Variants in SIX1 observed in about 807,000 individuals in gnomAD.
SIX1 encodes the protein SIX homeobox 1.
SIX1 carries 11 observed loss-of-function variants against 26.5 expected under a neutral mutation model. That is an observed-to-expected ratio of 0.41 (90% CI 0.26 to 0.69). The LOEUF is 0.69. SIX1 is among the 30% of genes least tolerant of loss of function. The probability of loss-of-function intolerance (pLI) is 0.28; values close to 1 mark genes in which losing one functional copy is unlikely to be tolerated. For synonymous variants in SIX1, 177 were observed against 166.2 expected, an observed-to-expected ratio of 1.06 and a Z score of -0.50; for missense variants, 333 against 365.9, an observed-to-expected ratio of 0.91 and a Z score of 0.73.
At position 60,646,592 on chromosome 14, in the gene SIX1, A is replaced by G; in HGVS notation, c.561-15T>C. The G allele has an allele frequency of 7.2e-7, 1 of 1,397,348 alleles. No individual in the cohort carries two copies. Among genetic ancestry groups the G allele is most frequent in the Non-Finnish European group, 1.0e-6 (1 of 1,003,216 alleles). The allele number at this position is 1,397,348 out of a possible 1,614,324, so 86.6% of individuals were successfully genotyped here. A position where few individuals can be genotyped will look rare whatever the true frequency, so the allele number is the denominator to read the frequency against. ...CGGTGTTCTCCCTAAGAAATAGAGG[A>G]CAACACCATATGGTTAAAAAAAAAA... On this transcript the variant is annotated splice_polypyrimidine_tract_variant and intron_variant, in intron 1 of 1. Transcript: ENST00000645694.
In SIX1 at chr14:60,648,833, G is replaced by A. The variant is rs375984653; in HGVS notation, c.357C>T (p.Arg119=). The change falls in exon 1 of 2, where the codon CGC becomes CGT. Residue 119 remains arginine, a synonymous_variant. Coordinates refer to ENST00000645694, the MANE Select transcript of SIX1 (RefSeq NM_005982.4). The surrounding 1 kb of genome is among the most constrained non-coding windows in gnomAD (Gnocchi z 7.9). ...TGGTCTCCTCGCCGTCCCAGATGGT[G>A]CGCGGCAGTGGAAATTTTCGGCGCA... ...YRVRRKFPLP[R]TIWDGEETSY... is the part of the protein sequence containing the mutation. 10 of 1,614,242 alleles carry A rather than the reference G, an allele frequency of 6.2e-6. No homozygotes were observed. Among genetic ancestry groups the A allele is most frequent in the Non-Finnish European group, 8.5e-6 (10 of 1,180,048 alleles).
chr14:60,646,459 C>A lies in SIX1; in HGVS notation c.679G>T (p.Asp227Tyr), dbSNP rs144481204. The stretch of plus-strand genomic sequence containing the variant: ...TGCAGCAGAAGGACCGAGTTCTGGT[C>A]TGGACTTTGGGGAGGTGAGAATTCC... ...EEEFSPPQSP[D>Y]QNSVLLLQGN... is the part of the protein sequence containing the mutation. The change falls in exon 2 of 2, where the codon GAC becomes TAC. Residue 227 changes from aspartate to tyrosine, a missense_variant. Asp to Tyr is a radical substitution (Grantham distance 160, BLOSUM62 -3). Transcript: ENST00000645694. 2.5e-4 allele frequency: 410 copies of A among 1,613,922 alleles called. No homozygotes were observed. The highest frequency in any genetic ancestry group is 3.4e-4 in the Non-Finnish European group (401 of 1,180,034).
In SIX1 at chr14:60,649,254, GGGC is replaced by G; in HGVS notation, c.-68_-66del. The G allele has an allele frequency of 6.7e-7, 1 of 1,490,874 alleles. No homozygotes were observed. The highest frequency in any genetic ancestry group is 9.1e-7 in the Non-Finnish European group (1 of 1,099,716). 92.4% of individuals were successfully genotyped at this position (1,490,874 alleles called of 1,614,324 possible). ...GCAGGGAGCAGAGCCGAGAGGCAGG[GGGC>G]GGCGGCCGCAGGGAGGGGGGCGCGG... On this transcript the variant is annotated 5_prime_UTR_variant, in exon 1 of 2. Transcript: ENST00000645694. The surrounding 1 kb of genome is among the most constrained non-coding windows in gnomAD (Gnocchi z 5.1).
rs1176795483 is a variant in SIX1 at position 60,647,738 on chromosome 14, C to T, written c.560+892G>A. ...CTTTGGCTTCGCGGAGCGCTCTCCC[C>T]GCCACAGCCACCTCCCCACCGTCCT... On this transcript the variant is annotated intron_variant, in intron 1 of 1. Transcript: ENST00000645694. This position sits in a 1 kb window ranked among gnomAD's most constrained non-coding sequence, Gnocchi z 5.1. Among the ~76,000 whole-genome samples, 1 of 152,238 alleles carries T rather than the reference C, an allele frequency of 6.6e-6. No homozygotes were observed. Among genetic ancestry groups the T allele is most frequent in the African/African-American group, 2.4e-5 (1 of 41,464 alleles).
Position 60,648,541 on chromosome 14 carries a change from G to A in SIX1, c.560+89C>T. 7.4e-7 allele frequency: 1 copy of A among 1,348,302 alleles called. No individual in the cohort carries two copies. Among genetic ancestry groups the A allele is most frequent in the Non-Finnish European group, 1.0e-6 (1 of 973,274 alleles). The allele number at this position is 1,348,302 out of a possible 1,614,324, so 83.5% of individuals were successfully genotyped here. On this transcript the variant is annotated intron_variant, in intron 1 of 1. Coordinates refer to ENST00000645694, the MANE Select transcript of SIX1 (RefSeq NM_005982.4). The surrounding 1 kb of genome is among the most constrained non-coding windows in gnomAD (Gnocchi z 7.9). ...GGGCTCCGGCCGGCGGGGAGGACTT[G>A]GTGGCTGGTGCCTGCGGGGGCGGGA...
At position 60,645,012 on chromosome 14, in the gene SIX1, A is replaced by C. The variant is rs1312883749; in HGVS notation, c.*1271T>G. ...GTTAACACAAAAGAGCTTAGTTAAC[A>C]TATGAATGCTGTGAAGAGATAGTGG... On this transcript the variant is annotated 3_prime_UTR_variant, in exon 2 of 2. Coordinates refer to ENST00000645694, the MANE Select transcript of SIX1 (RefSeq NM_005982.4). This position sits in a 1 kb window ranked among gnomAD's most constrained non-coding sequence, Gnocchi z 4.6. 6.6e-6 allele frequency: 1 copy of C among 152,158 alleles called. No individual in the cohort carries two copies. The highest frequency in any genetic ancestry group is 2.1e-4 in the South Asian group (1 of 4,822). 9.4% of individuals were successfully genotyped at this position (152,158 alleles called of 1,614,324 possible). A position where few individuals can be genotyped will look rare whatever the true frequency, so the allele number is the denominator to read the frequency against.
rs1374698272 is a variant in SIX1, at chr14:60,647,162, C to G, written c.561-585G>C. Among the ~76,000 whole-genome samples, 1 of 152,216 alleles carries G rather than the reference C, an allele frequency of 6.6e-6. No homozygotes were observed. Among genetic ancestry groups the G allele is most frequent in the Non-Finnish European group, 1.5e-5 (1 of 68,040 alleles). On this transcript the variant is annotated intron_variant, in intron 1 of 1. Transcript: ENST00000645694. This position sits in a 1 kb window ranked among gnomAD's most constrained non-coding sequence, Gnocchi z 5.1. Reference sequence around the variant, plus strand: ...ATGGGAAGTGGTGCCCAGCGCGGCCCAGTGACCTGAGTAAACACAGGGAGC... The same window carrying G: ...ATGGGAAGTGGTGCCCAGCGCGGCCGAGTGACCTGAGTAAACACAGGGAGC...
At position 60,646,252 on chromosome 14, in the gene SIX1, G is replaced by A. The variant is rs754609676; in HGVS notation, c.*31C>T. 8.7e-6 allele frequency: 14 copies of A among 1,604,990 alleles called. No homozygotes were observed. Among genetic ancestry groups the A allele is most frequent in the South Asian group, 1.1e-5 (1 of 90,598 alleles). On this transcript the variant is annotated 3_prime_UTR_variant, in exon 2 of 2. Transcript: ENST00000645694. ...GTCGCTGCAGTGGTTGCTGCTCCAG[G>A]AATCCCTTCGAGGCCCCAGTCCCTC...
rs1165635972 is a variant in SIX1 at position 60,647,160 on chromosome 14, C to A, written c.561-583G>T. Among the ~76,000 whole-genome samples, 1 of 152,234 alleles carries A rather than the reference C, an allele frequency of 6.6e-6. No homozygotes were observed. Among genetic ancestry groups the A allele is most frequent in the Non-Finnish European group, 1.5e-5 (1 of 68,036 alleles). ...TCATGGGAAGTGGTGCCCAGCGCGGCCCAGTGACCTGAGTAAACACAGGGA... is the reference window on the plus strand; with the variant it reads ...TCATGGGAAGTGGTGCCCAGCGCGGACCAGTGACCTGAGTAAACACAGGGA... On this transcript the variant is annotated intron_variant, in intron 1 of 1. Transcript: ENST00000645694. The surrounding 1 kb of genome is among the most constrained non-coding windows in gnomAD (Gnocchi z 5.1).
Position 60,644,110 on chromosome 14 carries a change from A to G in SIX1, c.*2173T>C, listed in dbSNP as rs1003151328. The G allele has an allele frequency of 1.3e-5, 2 of 152,104 alleles. No individual in the cohort carries two copies. Among genetic ancestry groups the G allele is most frequent in the Non-Finnish European group, 2.9e-5 (2 of 68,018 alleles). The allele number at this position is 152,104 out of a possible 1,614,324, so 9.4% of individuals were successfully genotyped here. On this transcript the variant is annotated 3_prime_UTR_variant, in exon 2 of 2. Transcript: ENST00000645694. ...GAAATTAAAGTAATTGGCCCTTCCT[A>G]TTTTCCAGAGAGATTTCCGCAGCGT...
In SIX1 at chr14:60,648,003, T is replaced by C. The variant is rs541752598; in HGVS notation, c.560+627A>G. ...GAGCGAGCACGGCGAGGATCAACCC[T>C]TTCTTAATTTGGGGCGCCGGGGAGT... On this transcript the variant is annotated intron_variant, in intron 1 of 1. Coordinates refer to ENST00000645694, the MANE Select transcript of SIX1 (RefSeq NM_005982.4). The surrounding 1 kb of genome is among the most constrained non-coding windows in gnomAD (Gnocchi z 7.9). 6.6e-6 allele frequency among the ~76,000 whole-genome samples: 1 copy of C among 152,272 alleles called. No homozygotes were observed. The highest frequency in any genetic ancestry group is 2.1e-4 in the South Asian group (1 of 4,828).
At position 60,646,371 on chromosome 14, in the gene SIX1, G is replaced by GGCT; in HGVS notation, c.764_766dup (p.Gln255dup). 6.2e-7 allele frequency: 1 copy of GGCT among 1,614,064 alleles called. No individual in the cohort carries two copies. Among genetic ancestry groups the GGCT allele is most frequent in the Non-Finnish European group, 8.5e-7 (1 of 1,180,018 alleles). On this transcript the variant is annotated inframe_insertion, in exon 2 of 2. Transcript: ENST00000645694. The stretch of plus-strand genomic sequence containing the variant: ...CTGGTGGGTCTGCAGGCCGTGACTG[G>GGCT]GCTGCGAGGCTGTTAAGCCCGGGAG...
rs1894991264 is a variant in SIX1 at position 60,648,436 on chromosome 14, C to T, written c.560+194G>A. ...GCGCGGGTGCTCAAAGCAAATGAGG[C>T]CCCATCCTTAGCAAGGAACCTCAGA... is the stretch of plus-strand genomic sequence containing the variant. On this transcript the variant is annotated intron_variant, in intron 1 of 1. Coordinates refer to ENST00000645694, the MANE Select transcript of SIX1 (RefSeq NM_005982.4). This position sits in a 1 kb window ranked among gnomAD's most constrained non-coding sequence, Gnocchi z 7.9. Among the ~76,000 whole-genome samples, 1 of 152,236 alleles carries T rather than the reference C, an allele frequency of 6.6e-6. No homozygotes were observed. Among genetic ancestry groups the T allele is most frequent in the Non-Finnish European group, 1.5e-5 (1 of 68,046 alleles).
chr14:60,649,262 G>A lies in SIX1; in HGVS notation c.-73C>T, dbSNP rs911848334. The A allele has an allele frequency of 1.0e-4, 146 of 1,397,842 alleles. No homozygotes were observed. The highest frequency in any genetic ancestry group is 1.4e-4 in the Non-Finnish European group (140 of 1,020,416). 86.6% of individuals were successfully genotyped at this position (1,397,842 alleles called of 1,614,324 possible). ...CAGAGCCGAGAGGCAGGGGGCGGCG[G>A]CCGCAGGGAGGGGGGCGCGGCTGTT... is the stretch of plus-strand genomic sequence containing the variant. On this transcript the variant is annotated 5_prime_UTR_variant, in exon 1 of 2. Coordinates refer to ENST00000645694, the MANE Select transcript of SIX1 (RefSeq NM_005982.4). This position sits in a 1 kb window ranked among gnomAD's most constrained non-coding sequence, Gnocchi z 5.1.
chr14:60,645,336 G>A lies in SIX1; in HGVS notation c.*947C>T, dbSNP rs1211517512. 1 of 152,130 alleles carries A rather than the reference G, an allele frequency of 6.6e-6. No individual in the cohort carries two copies. The highest frequency in any genetic ancestry group is 1.5e-5 in the Non-Finnish European group (1 of 68,034). The allele number at this position is 152,130 out of a possible 1,614,324, so 9.4% of individuals were successfully genotyped here. A position where few individuals can be genotyped will look rare whatever the true frequency, so the allele number is the denominator to read the frequency against. ...ATAGAAAAGAAACCTGAAAACACAT[G>A]CTGTTTTAGTAACAAATACCAGGTT... On this transcript the variant is annotated 3_prime_UTR_variant, in exon 2 of 2. Coordinates refer to ENST00000645694, the MANE Select transcript of SIX1 (RefSeq NM_005982.4). The surrounding 1 kb of genome is among the most constrained non-coding windows in gnomAD (Gnocchi z 4.6).
In SIX1 at chr14:60,646,066, A is replaced by C. The variant is rs908849819; in HGVS notation, c.*217T>G. The stretch of plus-strand genomic sequence containing the variant: ...TCTCTGCATTGGGAAGGAAAATGCA[A>C]AAGTGGAAAGAGTTGGAGAGAAGAG... On this transcript the variant is annotated 3_prime_UTR_variant, in exon 2 of 2. Transcript: ENST00000645694. 2.1e-6 allele frequency: 1 copy of C among 481,406 alleles called. No individual in the cohort carries two copies. The allele number at this position is 481,406 out of a possible 1,614,324, so 29.8% of individuals were successfully genotyped here.
Position 60,645,433 on chromosome 14 carries a change from C to T in SIX1, c.*850G>A, listed in dbSNP as rs967633223. On this transcript the variant is annotated 3_prime_UTR_variant, in exon 2 of 2. Coordinates refer to ENST00000645694, the MANE Select transcript of SIX1 (RefSeq NM_005982.4). The surrounding 1 kb of genome is among the most constrained non-coding windows in gnomAD (Gnocchi z 4.6). ...AGAAACCCTTTACAGGAGTAGGCTA[C>T]AGATATGAAAGCTTTGAGGGCATGA... is the stretch of plus-strand genomic sequence containing the variant. 1 of 151,648 alleles carries T rather than the reference C, an allele frequency of 6.6e-6. No homozygotes were observed. The highest frequency in any genetic ancestry group is 2.1e-4 in the South Asian group (1 of 4,814). 9.4% of individuals were successfully genotyped at this position (151,648 alleles called of 1,614,324 possible).
rs748903952 is a variant in SIX1 at position 60,648,725 on chromosome 14, C to T, written c.465G>A (p.Arg155=). 43 of 1,613,456 alleles carry T rather than the reference C, an allele frequency of 2.7e-5. No individual in the cohort carries two copies. Among genetic ancestry groups the T allele is most frequent in the Middle Eastern group, 1.6e-4 (1 of 6,082 alleles). ...TGAGGCCGGTGGCCTCGGCCAGCTC[C>T]CGCTTCTCACGCGGCGATGGGTAGG... is the stretch of plus-strand genomic sequence containing the variant. The part of the protein sequence containing the change: ...HNPYPSPREK[R]ELAEATGLTT... The change falls in exon 1 of 2, where the codon CGG becomes CGA. Residue 155 remains arginine (R), a synonymous_variant. Coordinates refer to ENST00000645694, the MANE Select transcript of SIX1 (RefSeq NM_005982.4). The surrounding 1 kb of genome is among the most constrained non-coding windows in gnomAD (Gnocchi z 7.9).
At position 60,645,594 on chromosome 14, in the gene SIX1, G is replaced by T. The variant is rs1164180111; in HGVS notation, c.*689C>A. 1 of 151,532 alleles carries T rather than the reference G, an allele frequency of 6.6e-6. No individual in the cohort carries two copies. Among genetic ancestry groups the T allele is most frequent in the Non-Finnish European group, 1.5e-5 (1 of 67,948 alleles). The allele number at this position is 151,532 out of a possible 1,614,324, so 9.4% of individuals were successfully genotyped here. On this transcript the variant is annotated 3_prime_UTR_variant, in exon 2 of 2. Transcript: ENST00000645694. This position sits in a 1 kb window ranked among gnomAD's most constrained non-coding sequence, Gnocchi z 4.6. ...TGACAAAAATAGTTGCATTACTAAT[G>T]GTCACGTCTATTTCTGTCTCACATA...
Sources: gnomAD v4.1 joint callset for allele counts (sites outside exome capture counted in the v4.1 genomes callset) on GRCh38, gnomAD v4.1.1 for gene constraint, Gnocchi (gnomAD v3.1) non-coding constraint, MANE v1.5 for transcripts, NCBI Gene and HGNC (gene_info 2026-07-23, HGNC 2026-07-21) for gene names.